The following CSMD1 variants were observed in gnomAD, a reference collection of about 807,000 sequenced individuals.
CSMD1 encodes the protein CUB and sushi domain-containing protein 1.
In CSMD1, 213 loss-of-function variants were observed where a neutral mutation model predicts 417.5. The ratio of observed to expected loss-of-function variants is 0.51; its 90% CI spans 0.46 to 0.57. CSMD1 has a LOEUF of 0.57. Among genes scored for constraint, CSMD1 ranks in the 20% least tolerant of loss-of-function variants. The pLI is 0.00. For missense variants in CSMD1, 6,923 were observed against 4,529.7 expected, an observed-to-expected ratio of 1.53 and a Z score of -15.17; for synonymous variants, 2,862 against 1,736.8, an observed-to-expected ratio of 1.65 and a Z score of -16.11.
chr8:3,215,859 A>G (rs1797851432), intron 29 of CSMD1, among the ~76,000 whole-genome samples: 1 of 151,906 alleles, frequency 6.6e-6, no homozygotes, highest in African/African-American at 2.4e-5. Context: ...GACCTGATTA[A>G]CTGTATTTAT....
At chr8:4,502,576 G>T (rs1184466567) in intron 2 of CSMD1, among the ~76,000 whole-genome samples, 1 of 152,086 alleles carries the variant, frequency 6.6e-6, no homozygotes, top group African/African-American at 2.4e-5. Context: ...CAAAAAACTT[G>T]TTTAACCATT....
chr8:4,027,432 G>A (rs1797120489), intron 4 of CSMD1, among the ~76,000 whole-genome samples: 1 of 152,060 alleles, frequency 6.6e-6, no homozygotes, highest in Non-Finnish European at 1.5e-5. Context: ...ATTAGATCAT[G>A]GGGGTGGGTC....
intron 3 of CSMD1, among the ~76,000 whole-genome samples, chr8:4,164,891 AT>A (rs201092832): frequency 6.7e-4 from 80 of 119,814 alleles, no homozygotes; most frequent in East Asian, 2.2e-3. Flanking sequence ...AAAAAAAAAA[AT>A]ATATATATAT....
chr8:2,962,569 G>C lies in CSMD1; in HGVS notation c.9525C>G (p.Ser3175=). ...RLSGKSFTYK[S]EVFFQCKSPF... The stretch of plus-strand genomic sequence containing the variant: ...GAGATTTGCACTGGAAGAAGACTTC[G>C]GACTTATAGGTGAAACTTTTCCCAC... The change falls in exon 61 of 70, where the codon TCC becomes TCG. Residue 3175 remains serine (S), a synonymous_variant. Transcript: ENST00000635120. The C allele has an allele frequency of 6.2e-7, 1 of 1,613,846 alleles. No homozygotes were observed. Among genetic ancestry groups the C allele is most frequent in the Non-Finnish European group, 8.5e-7 (1 of 1,179,826 alleles).
At chr8:3,206,482 G>GTT (rs1563142097) in intron 30 of CSMD1, among the ~76,000 whole-genome samples, 1 of 15,486 alleles carries the variant, frequency 6.5e-5, no homozygotes, top group African/African-American at 1.8e-4. Flanking sequence ...GTCTGTGCGT[G>GTT]TATGTGTGTG....
chr8:4,374,566 C>G (rs1257013424), intron 3 of CSMD1, among the ~76,000 whole-genome samples: 1 of 152,042 alleles, frequency 6.6e-6, no homozygotes, highest in Admixed American at 6.6e-5. Flanking sequence ...TCACACTGTC[C>G]AGGAATGAGC....
rs151019423 is a variant in CSMD1 at position 4,892,013 on chromosome 8, G to C, written c.85+102319C>G. Among the ~76,000 whole-genome samples the C allele has an allele frequency of 3.2e-3, 491 of 152,132 alleles. 3 individuals are homozygous for C. The highest frequency in any genetic ancestry group is 5.5e-3 in the Non-Finnish European group (373 of 68,018). ...AAATAGCTCTTAAACACTGTAATGA[G>C]AGCACCACTAACACCACCAGATGTA... On this transcript the variant is annotated intron_variant, in intron 1 of 69. Coordinates refer to ENST00000635120, the MANE Select transcript of CSMD1 (RefSeq NM_033225.6).
chr8:4,574,167 G>A (rs1051787991), intron 2 of CSMD1, among the ~76,000 whole-genome samples: 3 of 123,994 alleles, frequency 2.4e-5, no homozygotes, highest in Non-Finnish European at 5.7e-5. Flanking sequence ...AGACGCTGGG[G>A]TCCAAAAAAA....
chr8:3,016,094 C>A (rs969409680), intron 52 of CSMD1, among the ~76,000 whole-genome samples: 1 of 152,100 alleles, frequency 6.6e-6, no homozygotes, highest in African/African-American at 2.4e-5. Context: ...ATCTGCAGGT[C>A]GAAGGAATAA....
At chr8:3,009,946 T>G (rs1248318103) in intron 52 of CSMD1, among the ~76,000 whole-genome samples, 1 of 152,208 alleles carries the variant, frequency 6.6e-6, no homozygotes, top group African/African-American at 2.4e-5. Context: ...GGACTGTCTT[T>G]GGGGCTTTCA....
intron 26 of CSMD1, among the ~76,000 whole-genome samples, chr8:3,231,235 T>C (rs1197880938): frequency 6.6e-6 from 1 of 152,182 alleles, no homozygotes; most frequent in Non-Finnish European, 1.5e-5. Context: ...AAAGCTTAGA[T>C]TTTTTCTCAT....
intron 1 of CSMD1, among the ~76,000 whole-genome samples, chr8:4,656,772 G>C (rs1046439472): frequency 6.6e-6 from 1 of 151,958 alleles, no homozygotes; most frequent in Admixed American, 6.6e-5. Flanking sequence ...TGGCAGACGT[G>C]ATCCTAGAAA....
intron 5 of CSMD1, among the ~76,000 whole-genome samples, chr8:3,957,872 ATGTGGGGCT>A (rs1812069681): frequency 6.6e-6 from 1 of 152,192 alleles, no homozygotes; most frequent in Non-Finnish European, 1.5e-5. Context: ...TTTGGAGCCG[ATGTGGGGCT>A]ATCGCTGTAT....
At chr8:3,694,083 G>A (rs1366661730) in intron 7 of CSMD1, among the ~76,000 whole-genome samples, 2 of 151,372 alleles carry the variant, frequency 1.3e-5, no homozygotes, top group Admixed American at 6.6e-5. Context: ...GTGTTGGAGT[G>A]TTATGTGTTG....
intron 3 of CSMD1, among the ~76,000 whole-genome samples, chr8:4,216,719 A>G (rs1479460161): frequency 4.6e-5 from 7 of 152,192 alleles, no homozygotes; most frequent in Non-Finnish European, 7.3e-5. Flanking sequence ...AGGAGGGGGT[A>G]TAAACGAATG....
intron 3 of CSMD1, among the ~76,000 whole-genome samples, chr8:4,156,970 C>G (rs1038920092): frequency 1.3e-5 from 2 of 152,082 alleles, no homozygotes. Context: ...AACTGCTTGG[C>G]AGATGATGCA....
intron 2 of CSMD1, among the ~76,000 whole-genome samples, chr8:4,546,435 A>C (rs1249722779): frequency 6.6e-6 from 1 of 152,186 alleles, no homozygotes; most frequent in Non-Finnish European, 1.5e-5. Flanking sequence ...GACTGAGTGA[A>C]GAACCACCCT....
intron 6 of CSMD1, among the ~76,000 whole-genome samples, chr8:3,725,196 G>T (rs1191845903): frequency 1.3e-5 from 2 of 152,118 alleles, no homozygotes; most frequent in South Asian, 4.1e-4. Flanking sequence ...GTAGGTTCAA[G>T]GAAATGAAAG....
chr8:4,445,327 G>T (rs1447609657), intron 2 of CSMD1, among the ~76,000 whole-genome samples: 2 of 152,116 alleles, frequency 1.3e-5, no homozygotes, highest in South Asian at 2.1e-4. Flanking sequence ...ACCATTTTCT[G>T]TATACTTCAG....
Sources: gnomAD v4.1 joint callset for allele counts (sites outside exome capture counted in the v4.1 genomes callset) on GRCh38, gnomAD v4.1.1 for gene constraint, MANE v1.5 for transcripts, NCBI Gene and HGNC (gene_info 2026-07-23, HGNC 2026-07-21) for gene names.